The following NME7 variants were observed in gnomAD, a reference collection of about 807,000 sequenced individuals.
NME7 encodes NME/NM23 family member 7, also known as nucleoside diphosphate kinase 7.
Under a neutral mutation model 49.1 loss-of-function variants are expected in NME7, and 41 were observed. That is an observed-to-expected ratio of 0.83 (90% CI 0.65 to 1.08). The LOEUF (loss-of-function observed/expected upper bound fraction) is 1.08, where lower values mean the gene tolerates loss of function less well. Among genes scored for constraint, NME7 ranks in the 50% least tolerant of loss-of-function variants. The pLI is 0.00. For synonymous variants in NME7, 139 were observed against 150.6 expected, an observed-to-expected ratio of 0.92 and a Z score of 0.56; for missense variants, 423 against 463.4, an observed-to-expected ratio of 0.91 and a Z score of 0.80.
intron 7 of NME7, among the ~76,000 whole-genome samples, chr1:169,282,950 G>C (rs1650085797): frequency 6.6e-6 from 1 of 151,972 alleles, no homozygotes; most frequent in African/African-American, 2.4e-5. Flanking sequence ...GTTCTGTGGA[G>C]GTCTATTAGG....
At position 169,287,103 on chromosome 1, in the gene NME7, C is replaced by A. The variant is rs71635617; in HGVS notation, c.754+200G>T. The A allele has an allele frequency of 1.0e-5, 5 of 498,970 alleles. No individual in the cohort carries two copies. In the African/African-American group the frequency reaches 1.0e-4, roughly 10 times the overall value. The allele number at this position is 498,970 out of a possible 1,614,324, so 30.9% of individuals were successfully genotyped here. On this transcript the variant is annotated intron_variant, in intron 7 of 11. Transcript: ENST00000367811. ...TGATCAGCAACTCAAAGAACACCTC[C>A]TAAAAATCCACAAAGAAAAGACAAA...
At chr1:169,297,475 T>A (rs1650756642) in intron 6 of NME7, among the ~76,000 whole-genome samples, 1 of 152,172 alleles carries the variant, frequency 6.6e-6, no homozygotes, top group Admixed American at 6.6e-5. Context: ...CCTCTCTCAT[T>A]CCTATCCAAC....
chr1:169,164,527 A>G (rs1333443991), intron 11 of NME7, among the ~76,000 whole-genome samples: 1 of 152,240 alleles, frequency 6.6e-6, no homozygotes, highest in Non-Finnish European at 1.5e-5. Flanking sequence ...AAACCTACGC[A>G]TAGTGAGATG....
At chr1:169,315,708 A>G (rs1217259011) in intron 3 of NME7, among the ~76,000 whole-genome samples, 5 of 152,266 alleles carry the variant, frequency 3.3e-5, no homozygotes, top group South Asian at 2.1e-4. Context: ...CAATACAAAA[A>G]GAGAAAAACA....
chr1:169,328,995 A>G (rs542609649), intron 1 of NME7, among the ~76,000 whole-genome samples: 1 of 152,298 alleles, frequency 6.6e-6, no homozygotes, highest in East Asian at 1.9e-4. Context: ...ATGAACATCC[A>G]CAAGTATCAA....
At chr1:169,172,344 GTGTGTGTGTGTA>G (rs144492440) in intron 10 of NME7, among the ~76,000 whole-genome samples, 35,513 of 126,652 alleles carry the variant, frequency 0.28, 4,929 homozygotes, top group Non-Finnish European at 0.35. Flanking sequence ...GTGTGTGTGT[GTGTGTGTGTGTA>G]TGTGTATGTG....
chr1:169,323,050 CTTGA>C (rs1651912571), intron 3 of NME7, 63 bp downstream of exon 3: 2 of 1,320,784 alleles, frequency 1.5e-6, no homozygotes, highest in Non-Finnish European at 2.0e-6. Context: ...TACTCCCAGT[CTTGA>C]TTCAGATTGA....
intron 10 of NME7, among the ~76,000 whole-genome samples, chr1:169,222,754 T>C (rs1661182671): frequency 6.6e-6 from 1 of 152,178 alleles, no homozygotes; most frequent in African/African-American, 2.4e-5. Flanking sequence ...TATTTTTGAG[T>C]TGTAAAAACT....
intron 1 of NME7, among the ~76,000 whole-genome samples, chr1:169,327,815 C>G (rs1363032940): frequency 6.6e-6 from 1 of 152,144 alleles, no homozygotes; most frequent in Admixed American, 6.5e-5. Flanking sequence ...CTCTCTGCTA[C>G]TGTTTAAAGG....
Position 169,257,941 on chromosome 1 carries a change from A to G in NME7, c.755-20254T>C, listed in dbSNP as rs1356777328. On this transcript the variant is annotated intron_variant, in intron 7 of 11. Coordinates refer to ENST00000367811, the MANE Select transcript of NME7 (RefSeq NM_013330.5). The stretch of plus-strand genomic sequence containing the variant: ...GCAAACACAATGAAAGAAGACTGAA[A>G]TGATAATTCAAGACCATGGATCCAT... 1.5e-5 allele frequency among the ~76,000 whole-genome samples: 2 copies of G among 134,262 alleles called. 1 individual carries two copies. The highest frequency in any genetic ancestry group is 3.5e-5 in the Non-Finnish European group (2 of 57,162). The allele number at this position is 134,262 out of a possible 152,430, so 88.1% of individuals were successfully genotyped here.
chr1:169,245,728 C>T (rs773265103), intron 7 of NME7, among the ~76,000 whole-genome samples: 14 of 151,910 alleles, frequency 9.2e-5, no homozygotes, highest in Non-Finnish European at 1.6e-4. Flanking sequence ...AAAAAATAGA[C>T]GTGTATCTTT....
intron 7 of NME7, among the ~76,000 whole-genome samples, chr1:169,278,429 C>A (rs201246118): frequency 6.6e-6 from 1 of 151,846 alleles, no homozygotes; most frequent in Non-Finnish European, 1.5e-5. Flanking sequence ...CACTTCATTT[C>A]ATTCATTTCA....
intron 7 of NME7, among the ~76,000 whole-genome samples, chr1:169,245,945 T>C (rs1648296564): frequency 6.6e-6 from 1 of 152,214 alleles, no homozygotes; most frequent in Admixed American, 6.5e-5. Context: ...AATATGTTAC[T>C]AGGCAATACC....
intron 10 of NME7, among the ~76,000 whole-genome samples, chr1:169,174,988 A>G (rs1659711709): frequency 6.6e-6 from 1 of 151,818 alleles, no homozygotes; most frequent in Admixed American, 6.5e-5. Flanking sequence ...ATTTCACTTT[A>G]TAAACTTCTA....
At chr1:169,342,518 GTA>G (rs200145809) in intron 1 of NME7, among the ~76,000 whole-genome samples, 2 of 95,460 alleles carry the variant, frequency 2.1e-5, no homozygotes, top group African/African-American at 7.3e-5. Context: ...TATATATATA[GTA>G]TATATATACA....
At chr1:169,167,978 A>T (rs1659463433) in intron 11 of NME7, among the ~76,000 whole-genome samples, 1 of 152,186 alleles carries the variant, frequency 6.6e-6, no homozygotes. Context: ...GGTGATGGTC[A>T]GGTGGTTGTT....
At chr1:169,300,573 A>C (rs1283228174) in intron 5 of NME7, among the ~76,000 whole-genome samples, 2 of 152,178 alleles carry the variant, frequency 1.3e-5, no homozygotes, top group African/African-American at 2.4e-5. Flanking sequence ...ATAAAGTGTA[A>C]CATATATTAT....
At chr1:169,297,251 GGTGTGA>G (rs1650747855) in intron 6 of NME7, among the ~76,000 whole-genome samples, 1 of 152,138 alleles carries the variant, frequency 6.6e-6, no homozygotes, top group Non-Finnish European at 1.5e-5. Context: ...TGGGATTACA[GGTGTGA>G]GCCACCACTC....
At chr1:169,358,269 A>C (rs1466694856) in intron 1 of NME7, among the ~76,000 whole-genome samples, 1 of 152,066 alleles carries the variant, frequency 6.6e-6, no homozygotes, top group Non-Finnish European at 1.5e-5. Flanking sequence ...AATTACTTTC[A>C]TATTAACTTA....
Sources: allele counts gnomAD v4.1 joint callset (sites outside exome capture counted in the v4.1 genomes callset), GRCh38; gene constraint gnomAD v4.1.1; transcripts MANE v1.5; gene names NCBI Gene and HGNC (gene_info 2026-07-23, HGNC 2026-07-21).